Variants in TBC1D32 observed in about 807,000 individuals in gnomAD.
TBC1D32 encodes TBC1 domain family member 32.
TBC1D32 carries 151 observed loss-of-function variants against 170.3 expected under a neutral mutation model. The observed-to-expected ratio is 0.89, with a 90% CI of 0.78 to 1.01. The LOEUF (loss-of-function observed/expected upper bound fraction) is 1.01. Ranked by LOEUF, TBC1D32 falls within the 50% of genes least tolerant of loss-of-function variation. TBC1D32 has a pLI of 0.00. For synonymous variants in TBC1D32, 498 were observed against 488.0 expected (o/e 1.02, Z -0.27); for missense variants, 1,464 against 1,457.1 (o/e 1.00, Z -0.08).
Position 121,283,866 on chromosome 6 carries a change from T to C in TBC1D32, c.1417A>G (p.Ile473Val). The change falls in exon 13 of 32, where the codon ATC becomes GTC. Residue 473 changes from isoleucine (I) to valine (V), a missense_variant. Transcript: ENST00000398212. ...TTTGGACAACTTGGTGAGTAATAGA[T>C]AAGTTGGGTAAAAAGAACAAGCAGA... is the stretch of plus-strand genomic sequence containing the variant. Reference protein sequence around the residue: ...IDLLVLFTQLIYYSPSCPKMT... With the variant: ...IDLLVLFTQLVYYSPSCPKMT... 3.1e-6 allele frequency: 5 copies of C among 1,611,442 alleles called. No homozygotes were observed. The South Asian group carries it at 3.3e-5, about 11-fold the overall frequency.
At chr6:121,153,061 C>A (rs1784406087) in intron 24 of TBC1D32, among the ~76,000 whole-genome samples, 1 of 152,104 alleles carries the variant, frequency 6.6e-6, no homozygotes, top group South Asian at 2.1e-4. Context: ...GAGTTGTAAT[C>A]CTTTGCAGGA....
Position 121,209,836 on chromosome 6 carries a change from C to A in TBC1D32, c.2482-4673G>T, listed in dbSNP as rs528632013. The stretch of plus-strand genomic sequence containing the variant: ...ACAGAAACAGAGAGACAGATGTAGA[C>A]CTGACAGCACTTGCAGTCCTGTTTC... On this transcript the variant is annotated intron_variant, in intron 21 of 31. Transcript: ENST00000398212. 1.1e-4 allele frequency among the ~76,000 whole-genome samples: 17 copies of A among 152,256 alleles called. No homozygotes were observed. The South Asian group carries it at 3.5e-3, about 32-fold the overall frequency.
At chr6:121,102,117 T>C (rs983637703) in intron 30 of TBC1D32, among the ~76,000 whole-genome samples, 9 of 152,136 alleles carry the variant, frequency 5.9e-5, no homozygotes, top group African/African-American at 2.2e-4. Context: ...GAACATTCCA[T>C]GCTCATGGAT....
At chr6:121,159,041 C>A (rs1785259773) in intron 24 of TBC1D32, among the ~76,000 whole-genome samples, 1 of 152,130 alleles carries the variant, frequency 6.6e-6, no homozygotes. Flanking sequence ...CTTGCTTCTT[C>A]CAGCCCCTCT....
intron 22 of TBC1D32, among the ~76,000 whole-genome samples, chr6:121,180,412 C>T (rs952522190): frequency 1.7e-4 from 26 of 152,096 alleles, no homozygotes; most frequent in African/African-American, 5.3e-4. Flanking sequence ...CACAGACCAA[C>T]GGAACAGAAT....
At chr6:121,124,374 G>T (rs573117147) in intron 26 of TBC1D32, among the ~76,000 whole-genome samples, 1 of 151,438 alleles carries the variant, frequency 6.6e-6, no homozygotes, top group South Asian at 2.1e-4. Context: ...ACTCATTCTT[G>T]TCCTGTAAAG....
At chr6:121,181,865 C>G (rs1788561316) in intron 22 of TBC1D32, among the ~76,000 whole-genome samples, 1 of 152,066 alleles carries the variant, frequency 6.6e-6, no homozygotes, top group Non-Finnish European at 1.5e-5. Context: ...GTGAAATAAA[C>G]CAGGCACAAA....
chr6:121,322,811 T>G (rs1298998226), intron 1 of TBC1D32, among the ~76,000 whole-genome samples: 1 of 152,212 alleles, frequency 6.6e-6, no homozygotes, highest in African/African-American at 2.4e-5. Flanking sequence ...TCTCTTCATT[T>G]TCTACATCAG....
chr6:121,278,944 C>G (rs914425787), intron 15 of TBC1D32, among the ~76,000 whole-genome samples, 177 bp downstream of exon 15: 1 of 152,032 alleles, frequency 6.6e-6, no homozygotes, highest in East Asian at 1.9e-4. Flanking sequence ...GGAAACCCAT[C>G]GAGAGTGAAC....
chr6:121,104,211 A>T (rs1178750119), intron 30 of TBC1D32, among the ~76,000 whole-genome samples: 1 of 151,790 alleles, frequency 6.6e-6, no homozygotes, highest in African/African-American at 2.4e-5. Context: ...GATAAATCTA[A>T]GGAATGCAAG....
At chr6:121,125,797 C>T (rs1349485302) in intron 26 of TBC1D32, among the ~76,000 whole-genome samples, 1 of 152,152 alleles carries the variant, frequency 6.6e-6, no homozygotes, top group Non-Finnish European at 1.5e-5. Flanking sequence ...CCCAGTAATT[C>T]CCTGCACAGT....
At chr6:121,332,661 T>C (rs1811362230) in intron 1 of TBC1D32, among the ~76,000 whole-genome samples, 1 of 152,280 alleles carries the variant, frequency 6.6e-6, no homozygotes, top group African/African-American at 2.4e-5. Flanking sequence ...CATAATGCTT[T>C]ATGTGGATGT....
In TBC1D32 at chr6:121,281,703, AT is replaced by A. The variant is rs1324481335; in HGVS notation, c.1466-18del. ...AGTAATTCTCTAATAAACAATAAAT[AT>A]TTTTTAATACCAAAACATTAAATAC... On this transcript the variant is annotated intron_variant, in intron 13 of 31. Transcript: ENST00000398212. 1.9e-6 allele frequency: 3 copies of A among 1,550,008 alleles called. No individual in the cohort carries two copies. Among genetic ancestry groups the A allele is most frequent in the South Asian group, 1.2e-5 (1 of 81,048 alleles).
rs1210413810 is a variant in TBC1D32 at position 121,283,912 on chromosome 6, T to A, written c.1373-2A>T. ...GCAGATCTATGAGGGATACCAAACC[T>A]TTAAAAAGAAAATAAAGAGAAAATT... On this transcript the variant is annotated splice_acceptor_variant, in intron 12 of 31. Coordinates refer to ENST00000398212, the MANE Select transcript of TBC1D32 (RefSeq NM_152730.6). LOFTEE classifies it high-confidence loss of function. The A allele has an allele frequency of 1.3e-6, 2 of 1,577,168 alleles. No individual in the cohort carries two copies. The highest frequency in any genetic ancestry group is 8.7e-7 in the Non-Finnish European group (1 of 1,155,402).
chr6:121,108,670 C>A (rs765501358), intron 29 of TBC1D32, among the ~76,000 whole-genome samples: 2 of 151,356 alleles, frequency 1.3e-5, no homozygotes, highest in Admixed American at 1.3e-4. Context: ...TAAAAAAAAA[C>A]ATAACAGTCT....
intron 30 of TBC1D32, among the ~76,000 whole-genome samples, chr6:121,097,844 C>T (rs1777596938): frequency 6.6e-6 from 1 of 152,036 alleles, no homozygotes; most frequent in African/African-American, 2.4e-5. Flanking sequence ...GGCACATATA[C>T]ACCATGGAAT....
At chr6:121,233,884 G>C (rs995726644) in intron 20 of TBC1D32, among the ~76,000 whole-genome samples, 4 of 152,108 alleles carry the variant, frequency 2.6e-5, no homozygotes, top group African/African-American at 9.7e-5. Flanking sequence ...GCTCCTTTTA[G>C]CAGTTCTTAT....
intron 12 of TBC1D32, 94 bp downstream of exon 12, chr6:121,291,959 A>G (rs1583602217): frequency 1.5e-6 from 2 of 1,309,280 alleles, no homozygotes; most frequent in East Asian, 5.2e-5. Context: ...TAAGTACCGT[A>G]GAAAGGAACA....
At chr6:121,124,549 T>C (rs1780633700) in intron 26 of TBC1D32, among the ~76,000 whole-genome samples, 1 of 152,122 alleles carries the variant, frequency 6.6e-6, no homozygotes, top group Admixed American at 6.5e-5. Flanking sequence ...TTGACCTTCT[T>C]GTATCTAGTC....
Sources: allele counts gnomAD v4.1 joint callset (sites outside exome capture counted in the v4.1 genomes callset), GRCh38; gene constraint gnomAD v4.1.1; transcripts MANE v1.5; gene names NCBI Gene and HGNC (gene_info 2026-07-23, HGNC 2026-07-21).